Variants in TTC34 observed in about 807,000 individuals in gnomAD.
TTC34 encodes tetratricopeptide repeat protein 34.
A neutral mutation model predicts 40.7 loss-of-function variants in TTC34; 44 were observed. That is an observed-to-expected ratio of 1.08 (90% CI 0.85 to 1.39). The LOEUF (loss-of-function observed/expected upper bound fraction) is 1.39, where lower values mean the gene tolerates loss of function less well. Ranked by LOEUF, TTC34 falls within the 40% of genes most tolerant of loss-of-function variation. The pLI, the probability that TTC34 is intolerant of heterozygous loss-of-function variation, is 0.00. For missense variants in TTC34, 884 were observed against 838.0 expected (o/e 1.05, Z -0.68); for synonymous variants, 422 against 398.6 (o/e 1.06, Z -0.70).
intron 6 of TTC34, among the ~76,000 whole-genome samples, chr1:2,780,511 T>A (rs1177864597): frequency 6.6e-6 from 1 of 152,208 alleles, no homozygotes; most frequent in Admixed American, 6.5e-5. Flanking sequence ...CTGCAACATT[T>A]GTTGAAAAGA....
At position 2,645,062 on chromosome 1, in the gene TTC34, C is replaced by T. The variant is rs1343876278; in HGVS notation, c.2497+231G>A. 6.6e-6 allele frequency among the ~76,000 whole-genome samples: 1 copy of T among 152,120 alleles called. No individual in the cohort carries two copies. The highest frequency in any genetic ancestry group is 2.4e-5 in the African/African-American group (1 of 41,424). On this transcript the variant is annotated intron_variant, in intron 7 of 8. Transcript: ENST00000401095. This position sits in a 1 kb window ranked among gnomAD's most constrained non-coding sequence, Gnocchi z 4.7. ...AGACCAAGATCACCCCTCGGTTTCTCCTCCATTGCAAGCAAAGAGCCACCC... is the reference window on the plus strand; with the variant it reads ...AGACCAAGATCACCCCTCGGTTTCTTCTCCATTGCAAGCAAAGAGCCACCC...
exon 9 of TTC34, chr1:2,641,161 T>G (rs1328806552): frequency 1.8e-4 from 36 of 199,034 alleles, no homozygotes; most frequent in Middle Eastern, 1.0e-3. Flanking sequence ...GTGGGGAGGG[T>G]GGGAAGGGGG....
At position 2,674,937 on chromosome 1, in the gene TTC34, G is replaced by C. The variant is rs1258118499; in HGVS notation, c.2227-29374C>G. Among the ~76,000 whole-genome samples the C allele has an allele frequency of 3.2e-5, 4 of 125,552 alleles. No homozygotes were observed. In the East Asian group the frequency reaches 8.4e-4, roughly 26 times the overall value. The allele number at this position is 125,552 out of a possible 152,430, so 82.4% of individuals were successfully genotyped here. ...TGCCCACACCCCGAGGTGAGCATCT[G>C]ACAACAGGGAGCAGCACCCATAGCC... On this transcript the variant is annotated intron_variant, in intron 6 of 8. Coordinates refer to ENST00000401095, the Ensembl canonical transcript of TTC34.
At chr1:2,752,867 A>G (rs1641370684) in intron 6 of TTC34, among the ~76,000 whole-genome samples, 1 of 151,288 alleles carries the variant, frequency 6.6e-6, no homozygotes, top group Non-Finnish European at 1.5e-5. Context: ...CCAGGCGAGC[A>G]TCTGATGGCC....
chr1:2,751,437 G>GT (rs1641315766), intron 6 of TTC34, among the ~76,000 whole-genome samples: 1 of 91,522 alleles, frequency 1.1e-5, no homozygotes, highest in African/African-American at 5.1e-5. Context: ...GCCTGGAACA[G>GT]AGCCCAGACC....
chr1:2,687,319 C>T (rs1219358562), intron 6 of TTC34, among the ~76,000 whole-genome samples: 1 of 137,750 alleles, frequency 7.3e-6, no homozygotes, highest in Non-Finnish European at 1.5e-5. Flanking sequence ...GGAACAGCAC[C>T]CCAAACCCAC....
At position 2,692,410 on chromosome 1, in the gene TTC34, A is replaced by G. The variant is rs1237853986; in HGVS notation, c.2227-46847T>C. Among the ~76,000 whole-genome samples the G allele has an allele frequency of 1.8e-5, 2 of 112,786 alleles. 1 individual carries two copies. Among genetic ancestry groups the G allele is most frequent in the Non-Finnish European group, 3.8e-5 (2 of 52,272 alleles). 74.0% of individuals were successfully genotyped at this position (112,786 alleles called of 152,430 possible). ...CCCAGGTGAGCATCTGGCAGCCTGG[A>G]GCAGCACCCACACCCCCAGGTGAGC... is the stretch of plus-strand genomic sequence containing the variant. On this transcript the variant is annotated intron_variant, in intron 6 of 8. Coordinates refer to ENST00000401095, the Ensembl canonical transcript of TTC34.
intron 6 of TTC34, among the ~76,000 whole-genome samples, chr1:2,682,111 A>G (rs1186941544): frequency 3.5e-5 from 5 of 141,424 alleles, no homozygotes; most frequent in South Asian, 2.3e-4. Context: ...CCACACCCCC[A>G]GGTGAGCATC....
In TTC34 at chr1:2,762,119, C is replaced by T. The variant is rs1641698279; in HGVS notation, c.2226+21490G>A. On this transcript the variant is annotated intron_variant, in intron 6 of 8. Transcript: ENST00000401095. ...CAGGCGAGCATCTGACAGCCTGGAG[C>T]AGCACACACAACCCCAGGCGAGCAT... Among the ~76,000 whole-genome samples, 2 of 61,430 alleles carry T rather than the reference C, an allele frequency of 3.3e-5. 1 individual carries two copies. The highest frequency in any genetic ancestry group is 5.3e-5 in the Non-Finnish European group (2 of 37,946). The allele number at this position is 61,430 out of a possible 152,430, so 40.3% of individuals were successfully genotyped here.
chr1:2,752,522 G>T (rs1641356975), intron 6 of TTC34, among the ~76,000 whole-genome samples: 9 of 132,752 alleles, frequency 6.8e-5, no homozygotes, highest in Non-Finnish European at 1.3e-4. Flanking sequence ...GCCTGGAGCA[G>T]CACCCACATC....
chr1:2,646,210 C>T (rs1175290964), intron 6 of TTC34, among the ~76,000 whole-genome samples: 2 of 152,130 alleles, frequency 1.3e-5, no homozygotes, highest in Non-Finnish European at 2.9e-5. Flanking sequence ...TATGAACAAG[C>T]CCCCAGCTCC....
chr1:2,685,894 C>T (rs1236883969), intron 6 of TTC34, among the ~76,000 whole-genome samples: 2 of 122,988 alleles, frequency 1.6e-5, no homozygotes, highest in Admixed American at 8.0e-5. Context: ...AGGTGAGCAT[C>T]TGACAGCCTG....
At chr1:2,795,536 C>T (rs763440093) in intron 2 of TTC34, among the ~76,000 whole-genome samples, 1 of 152,160 alleles carries the variant, frequency 6.6e-6, no homozygotes, top group Non-Finnish European at 1.5e-5. Context: ...GCCGTGGGGC[C>T]TCTGAGGCTT....
intron 5 of TTC34, 44 bp downstream of exon 5, chr1:2,785,775 C>A (rs1643577357): frequency 1.3e-6 from 2 of 1,521,816 alleles, no homozygotes; most frequent in African/African-American, 1.4e-5. Flanking sequence ...GTCCCCTGTG[C>A]CTGGCACAAG....
chr1:2,784,391 G>A (rs1015614893), intron 5 of TTC34, among the ~76,000 whole-genome samples: 14 of 152,222 alleles, frequency 9.2e-5, no homozygotes, highest in Non-Finnish European at 2.9e-5. Flanking sequence ...GACAAGGAAC[G>A]TGACCATTGA....
chr1:2,647,087 A>G (rs1639032702), intron 6 of TTC34, among the ~76,000 whole-genome samples: 1 of 151,512 alleles, frequency 6.6e-6, no homozygotes, highest in Non-Finnish European at 1.5e-5. Context: ...TGTTCTCTTT[A>G]TCTTTTTTTT....
chr1:2,691,755 C>A (rs1316922209), intron 6 of TTC34, among the ~76,000 whole-genome samples: 2 of 99,830 alleles, frequency 2.0e-5, no homozygotes, highest in African/African-American at 6.7e-5. Context: ...CCCAGGCAAG[C>A]ATCTGAACGC....
intron 6 of TTC34, among the ~76,000 whole-genome samples, chr1:2,752,622 A>G (rs1392678375): frequency 8.6e-6 from 1 of 116,576 alleles, no homozygotes. Flanking sequence ...CCCCCAGGCG[A>G]GCATCTGACA....
intron 6 of TTC34, among the ~76,000 whole-genome samples, chr1:2,647,349 G>A (rs1436931411): frequency 2.0e-5 from 3 of 152,138 alleles, no homozygotes; most frequent in Non-Finnish European, 2.9e-5. Flanking sequence ...TAGAGGCCAG[G>A]TGCAGTGGCT....
Sources: allele counts gnomAD v4.1 joint callset (sites outside exome capture counted in the v4.1 genomes callset), GRCh38; gene constraint gnomAD v4.1.1; non-coding constraint Gnocchi (gnomAD v3.1); transcripts MANE v1.5; gene names NCBI Gene and HGNC (gene_info 2026-07-23, HGNC 2026-07-21).